Variants in TMCC2 observed in about 807,000 individuals in gnomAD.
TMCC2 encodes the protein transmembrane and coiled-coil domains protein 2.
TMCC2 carries 16 observed loss-of-function variants against 49.4 expected under a neutral mutation model. That is an observed-to-expected ratio of 0.32 (90% CI 0.22 to 0.49). TMCC2 has a LOEUF of 0.49. Among genes scored for constraint, TMCC2 ranks in the 20% least tolerant of loss-of-function variants. The pLI, the probability that TMCC2 is intolerant of heterozygous loss-of-function variation, is 0.99. For synonymous variants in TMCC2, 397 were observed against 434.1 expected, an observed-to-expected ratio of 0.91 and a Z score of 1.06; for missense variants, 762 against 989.8, an observed-to-expected ratio of 0.77 and a Z score of 3.09.
intron 2 of TMCC2, among the ~76,000 whole-genome samples, chr1:205,246,964 T>C (rs1022765459): frequency 1.3e-5 from 2 of 152,026 alleles, no homozygotes; most frequent in Non-Finnish European, 2.9e-5. Flanking sequence ...GGCTCTGCCA[T>C]GTGGCTCACT....
chr1:205,271,226 C>T lies in TMCC2; in HGVS notation c.1789C>T (p.Gln597Ter). 1.2e-6 allele frequency: 2 copies of T among 1,614,144 alleles called. No homozygotes were observed. Among genetic ancestry groups the T allele is most frequent in the Non-Finnish European group, 8.5e-7 (1 of 1,180,048 alleles). The change falls in exon 4 of 5, where the codon CAG becomes TAG. Residue 597 changes from glutamine to a stop codon, truncating the protein, a stop_gained. Transcript: ENST00000358024. LOFTEE classifies it high-confidence loss of function. ...LASMEEKVAY[Q>*]SYERARDIQE... ...CAGCATGGAGGAGAAGGTGGCCTAC[C>T]AGTCCTATGAGAGGGCACGGGACAT...
chr1:205,230,776 G>C (rs1272868009), intron 1 of TMCC2, among the ~76,000 whole-genome samples: 1 of 152,106 alleles, frequency 6.6e-6, no homozygotes, highest in Non-Finnish European at 1.5e-5. Context: ...TCTGTAGAGG[G>C]ACGCCTTAAG....
At chr1:205,246,891 T>C (rs535824434) in intron 2 of TMCC2, among the ~76,000 whole-genome samples, 5 of 151,494 alleles carry the variant, frequency 3.3e-5, no homozygotes, top group Admixed American at 3.3e-4. Flanking sequence ...TGAAGGACTG[T>C]GGATGTTTGC....
chr1:205,229,334 A>T (rs1453389970), intron 1 of TMCC2, among the ~76,000 whole-genome samples: 1 of 151,434 alleles, frequency 6.6e-6, no homozygotes, highest in Non-Finnish European at 1.5e-5. Flanking sequence ...GATTACAGGC[A>T]CCCGCCACCA....
chr1:205,237,400 G>T (rs1574832761), intron 1 of TMCC2, among the ~76,000 whole-genome samples: 1 of 152,184 alleles, frequency 6.6e-6, no homozygotes, highest in African/African-American at 2.4e-5. Context: ...GGGTGACCCA[G>T]TCACCCCACT....
chr1:205,268,128 A>G, intron 2 of TMCC2: 1 of 970,184 alleles, frequency 1.0e-6, no homozygotes, highest in Non-Finnish European at 1.2e-6. Context: ...GTTAGTGAAC[A>G]TGGGGTGGCG....
intron 2 of TMCC2, among the ~76,000 whole-genome samples, chr1:205,250,603 C>T (rs1660630563): frequency 6.6e-6 from 1 of 152,146 alleles, no homozygotes; most frequent in Non-Finnish European, 1.5e-5. Context: ...TCTGGGAGTA[C>T]AGAAATCACC....
At chr1:205,257,912 G>A (rs1020230177) in intron 2 of TMCC2, among the ~76,000 whole-genome samples, 5 of 152,212 alleles carry the variant, frequency 3.3e-5, no homozygotes, top group South Asian at 4.1e-4. Flanking sequence ...GTGAGGAGAC[G>A]AGGAGGGTGC....
chr1:205,266,166 C>T (rs992988620), intron 2 of TMCC2, among the ~76,000 whole-genome samples: 16 of 147,190 alleles, frequency 1.1e-4, no homozygotes, highest in South Asian at 2.1e-4. Flanking sequence ...GCGTGAACCC[C>T]GGAGGCGGAG....
intron 2 of TMCC2, among the ~76,000 whole-genome samples, chr1:205,244,856 G>A (rs1370291879): frequency 3.3e-5 from 5 of 152,108 alleles, no homozygotes; most frequent in African/African-American, 1.2e-4. Context: ...CTGAGGGAAT[G>A]AGGGAGCAGG....
At position 205,251,859 on chromosome 1, in the gene TMCC2, T is replaced by A. The variant is rs117244805; in HGVS notation, c.747+9815T>A. ...ACATTTCTCGTTTAGTCACGTCAGC[T>A]CATGGTATGCTCTGAGCCCTTGAGT... On this transcript the variant is annotated intron_variant, in intron 2 of 4. Transcript: ENST00000358024. 9.0e-4 allele frequency among the ~76,000 whole-genome samples: 137 copies of A among 152,316 alleles called. No homozygotes were observed. In the East Asian group the frequency reaches 0.024, roughly 26 times the overall value.
rs1014384624 is a variant in TMCC2, at chr1:205,272,341, G to A, written c.*217G>A. 20 of 917,238 alleles carry A rather than the reference G, an allele frequency of 2.2e-5. No homozygotes were observed. The highest frequency in any genetic ancestry group is 1.5e-4 in the Admixed American group (5 of 33,776). 56.8% of individuals were successfully genotyped at this position (917,238 alleles called of 1,614,324 possible). ...ATGCAGCCCTACCTGGAGATAGTGCGGGCACCTGTGGCCAAGTGGAGCAGA... is the reference window on the plus strand; with the variant it reads ...ATGCAGCCCTACCTGGAGATAGTGCAGGCACCTGTGGCCAAGTGGAGCAGA... On this transcript the variant is annotated 3_prime_UTR_variant, in exon 5 of 5. Coordinates refer to ENST00000358024, the MANE Select transcript of TMCC2 (RefSeq NM_014858.4).
At chr1:205,237,979 A>G (rs1257318279) in intron 1 of TMCC2, among the ~76,000 whole-genome samples, 1 of 152,184 alleles carries the variant, frequency 6.6e-6, no homozygotes, top group Non-Finnish European at 1.5e-5. Context: ...AGATCATGAA[A>G]GCCCTGTTTG....
rs866920501 is a variant in TMCC2 at position 205,264,570 on chromosome 1, C to T, written c.748-4380C>T. Among the ~76,000 whole-genome samples the T allele has an allele frequency of 3.3e-5, 5 of 151,988 alleles. No homozygotes were observed. The highest frequency in any genetic ancestry group is 1.9e-4 in the East Asian group (1 of 5,186). On this transcript the variant is annotated intron_variant, in intron 2 of 4. Coordinates refer to ENST00000358024, the MANE Select transcript of TMCC2 (RefSeq NM_014858.4). This position sits in a 1 kb window ranked among gnomAD's most constrained non-coding sequence, Gnocchi z 4.2. ...CGTGATCTCGGTTCACTGCAAGCTC[C>T]GCCTCCCAGGTTCGCGCCATTCTCC... is the stretch of plus-strand genomic sequence containing the variant.
intron 2 of TMCC2, chr1:205,257,507 G>A: frequency 1.0e-6 from 1 of 969,482 alleles, no homozygotes; most frequent in Non-Finnish European, 1.3e-6. Flanking sequence ...CAGGTATAGA[G>A]AACTGTTTGT....
rs1371842352 is a variant in TMCC2 at position 205,264,515 on chromosome 1, C to G, written c.748-4435C>G. 6.6e-6 allele frequency among the ~76,000 whole-genome samples: 1 copy of G among 151,246 alleles called. No individual in the cohort carries two copies. The highest frequency in any genetic ancestry group is 1.5e-5 in the Non-Finnish European group (1 of 67,838). ...GTTTTTTTTTTTTGGGACGGAGTCT[C>G]GCTCTGTTGCCCAGGCTGCAGTGCA... On this transcript the variant is annotated intron_variant, in intron 2 of 4. Coordinates refer to ENST00000358024, the MANE Select transcript of TMCC2 (RefSeq NM_014858.4). The surrounding 1 kb of genome is among the most constrained non-coding windows in gnomAD (Gnocchi z 4.2).
At chr1:205,244,872 TA>T (rs1471909468) in intron 2 of TMCC2, among the ~76,000 whole-genome samples, 1 of 151,112 alleles carries the variant, frequency 6.6e-6, no homozygotes, top group African/African-American at 2.4e-5. Context: ...GCAGGTACAT[TA>T]AGAATAAAGA....
At position 205,273,149 on chromosome 1, in the gene TMCC2, T is replaced by A. The variant is rs1042097313; in HGVS notation, c.*1025T>A. ...GTAAGTGTATTCGTGTGGAGGAGGT[T>A]GTTGCTTTATTTTTTTAAGGCTCTG... On this transcript the variant is annotated 3_prime_UTR_variant, in exon 5 of 5. Transcript: ENST00000358024. The A allele has an allele frequency of 6.6e-6, 1 of 152,172 alleles. No homozygotes were observed. 9.4% of individuals were successfully genotyped at this position (152,172 alleles called of 1,614,324 possible).
Position 205,241,541 on chromosome 1 carries a change from C to T in TMCC2, c.244C>T (p.His82Tyr). 1 of 1,613,802 alleles carries T rather than the reference C, an allele frequency of 6.2e-7. No homozygotes were observed. Among genetic ancestry groups the T allele is most frequent in the African/African-American group, 1.3e-5 (1 of 74,994 alleles). Reference sequence around the variant, plus strand: ...GCTGTCAGAGGGCTCCATGTTTGGCCACGGTCTGAAGCACCTGTTCCACAG... The same window carrying T: ...GCTGTCAGAGGGCTCCATGTTTGGCTACGGTCTGAAGCACCTGTTCCACAG... ...QQLSEGSMFG[H>Y]GLKHLFHSRR... Residue 82 changes from histidine (H) to tyrosine (Y), a missense_variant, in exon 2 of 5, where the codon CAC becomes TAC. His to Tyr is a moderately conservative substitution (Grantham distance 83). This residue lies in a region of TMCC2 where 322 missense variants were observed against 353.1 expected (regional missense o/e 0.91). Transcript: ENST00000358024. The surrounding 1 kb of genome is among the most constrained non-coding windows in gnomAD (Gnocchi z 7.3).
Sources: gnomAD v4.1 joint callset for allele counts (sites outside exome capture counted in the v4.1 genomes callset) on GRCh38, gnomAD v4.1.1 for gene constraint, gnomAD v4.1.1 regional missense constraint, Gnocchi (gnomAD v3.1) non-coding constraint, MANE v1.5 for transcripts, NCBI Gene and HGNC (gene_info 2026-07-23, HGNC 2026-07-21) for gene names.